Variants in RORA observed in about 807,000 individuals in gnomAD.
RORA encodes the protein nuclear receptor ROR-alpha.
RORA carries 7 observed loss-of-function variants against 69.5 expected under a neutral mutation model. The observed-to-expected ratio is 0.10, with a 90% CI of 0.06 to 0.19. RORA has a LOEUF of 0.19. Among genes scored for constraint, RORA ranks in the 10% least tolerant of loss-of-function variants. RORA has a pLI of 1.00. For synonymous variants in RORA, 261 were observed against 240.8 expected, an observed-to-expected ratio of 1.08 and a Z score of -0.78; for missense variants, 457 against 663.0, an observed-to-expected ratio of 0.69 and a Z score of 3.41.
intron 2 of RORA, among the ~76,000 whole-genome samples, chr15:60,613,946 G>GAAA (rs35116092): frequency 6.3e-5 from 9 of 143,296 alleles, no homozygotes; most frequent in African/African-American, 1.3e-4. Flanking sequence ...GAAATTATGT[G>GAAA]AAAAAAAAAA....
chr15:61,173,941 T>C (rs913116221), intron 1 of RORA, among the ~76,000 whole-genome samples: 2 of 152,218 alleles, frequency 1.3e-5, no homozygotes, highest in African/African-American at 2.4e-5. Flanking sequence ...GTATGCACAC[T>C]GGGTCTGAAT....
intron 1 of RORA, among the ~76,000 whole-genome samples, chr15:60,962,064 G>C (rs540759645): frequency 2.0e-5 from 3 of 152,194 alleles, no homozygotes; most frequent in Non-Finnish European, 4.4e-5. Flanking sequence ...CTGTGACCAC[G>C]AGGCGAGAGA....
chr15:61,098,038 T>TTTCC (rs149088546), intron 1 of RORA, among the ~76,000 whole-genome samples: 8 of 151,660 alleles, frequency 5.3e-5, no homozygotes, highest in African/African-American at 9.7e-5. Flanking sequence ...TCCTTCCATC[T>TTTCC]TTCCTTCCTT....
chr15:60,576,934 A>G (rs1228201462), intron 2 of RORA, among the ~76,000 whole-genome samples: 2 of 152,260 alleles, frequency 1.3e-5, no homozygotes, highest in East Asian at 3.8e-4. Context: ...AAAGAAAAAC[A>G]GCCATCATTT....
chr15:60,921,515 C>T (rs987067294), intron 1 of RORA, among the ~76,000 whole-genome samples: 1 of 152,128 alleles, frequency 6.6e-6, no homozygotes, highest in African/African-American at 2.4e-5. Flanking sequence ...CAGTGGTTAC[C>T]TCTGAGGAAG....
intron 1 of RORA, among the ~76,000 whole-genome samples, chr15:61,119,451 T>TAC (rs1446973378): frequency 6.6e-6 from 1 of 150,758 alleles, no homozygotes; most frequent in Non-Finnish European, 1.5e-5. Context: ...AATATATATA[T>TAC]ACACACAAAT....
Position 60,593,021 on chromosome 15 carries a change from C to A in RORA, c.197-61170G>T, listed in dbSNP as rs898605877. ...ACGGTCACCCGCATTTCCTAGAGTG[C>A]CCCAGCTCTAATCGGAAGGTACGGC... On this transcript the variant is annotated intron_variant, in intron 2 of 10. Transcript: ENST00000335670. 14 of 446,398 alleles carry A rather than the reference C, an allele frequency of 3.1e-5. No homozygotes were observed. The Admixed American group carries it at 3.2e-4, about 10-fold the overall frequency. The allele number at this position is 446,398 out of a possible 1,614,324, so 27.7% of individuals were successfully genotyped here.
chr15:60,685,438 GA>G (rs1057280262), intron 1 of RORA, among the ~76,000 whole-genome samples: 1 of 152,138 alleles, frequency 6.6e-6, no homozygotes, highest in African/African-American at 2.4e-5. Context: ...GTTTTCTAAA[GA>G]AAAAATATCA....
intron 1 of RORA, among the ~76,000 whole-genome samples, chr15:60,815,624 AATC>A (rs1468119079): frequency 6.6e-6 from 1 of 151,900 alleles, no homozygotes; most frequent in African/African-American, 2.4e-5. Flanking sequence ...CAGGTGCTGA[AATC>A]ACAGATCTGA....
intron 1 of RORA, among the ~76,000 whole-genome samples, chr15:60,933,173 A>G (rs1421538295): frequency 1.3e-5 from 2 of 152,150 alleles, no homozygotes; most frequent in Admixed American, 1.3e-4. Flanking sequence ...TGCCATGATG[A>G]TCATACTAAT....
At chr15:61,039,941 C>T (rs1168177236) in intron 1 of RORA, among the ~76,000 whole-genome samples, 1 of 150,772 alleles carries the variant, frequency 6.6e-6, no homozygotes, top group African/African-American at 2.4e-5. Flanking sequence ...CTTTCTTTGC[C>T]AATCAGTGTT....
At chr15:60,743,159 T>C (rs1382220524) in intron 1 of RORA, among the ~76,000 whole-genome samples, 2 of 151,554 alleles carry the variant, frequency 1.3e-5, no homozygotes, top group Non-Finnish European at 2.9e-5. Context: ...GGACTACAGA[T>C]ATGTACCACC....
chr15:60,687,708 T>C (rs11638391), intron 1 of RORA, among the ~76,000 whole-genome samples: 20,862 of 152,220 alleles, frequency 0.14, 1,457 homozygotes, highest in East Asian at 0.18. Context: ...GAGCAGAGAT[T>C]GTGCCACTGA....
chr15:60,669,071 C>A (rs1182168620), intron 2 of RORA, among the ~76,000 whole-genome samples: 1 of 152,098 alleles, frequency 6.6e-6, no homozygotes, highest in Non-Finnish European at 1.5e-5. Context: ...GACAGAGGCT[C>A]CCAGGGTAGC....
chr15:61,131,941 T>C lies in RORA; in HGVS notation c.166+97112A>G, dbSNP rs1311717436. Among the ~76,000 whole-genome samples the C allele has an allele frequency of 4.6e-5, 7 of 152,260 alleles. No individual in the cohort carries two copies. The highest frequency in any genetic ancestry group is 5.9e-5 in the Non-Finnish European group (4 of 68,050). ...GAATTGGAACTGGGGGTAGATGCTGTAACCCTGATTACTAGTGGAGATGGA... is the reference window on the plus strand; with the variant it reads ...GAATTGGAACTGGGGGTAGATGCTGCAACCCTGATTACTAGTGGAGATGGA... On this transcript the variant is annotated intron_variant, in intron 1 of 10. Coordinates refer to ENST00000335670, the MANE Select transcript of RORA (RefSeq NM_134261.3). This position sits in a 1 kb window ranked among gnomAD's most constrained non-coding sequence, Gnocchi z 4.2.
intron 1 of RORA, among the ~76,000 whole-genome samples, chr15:60,901,996 C>G (rs1161692917): frequency 6.6e-6 from 1 of 152,162 alleles, no homozygotes; most frequent in African/African-American, 2.4e-5. Context: ...GTCCAGGGTG[C>G]CTCAGCTCAC....
At chr15:61,103,245 G>A (rs1437688116) in intron 1 of RORA, among the ~76,000 whole-genome samples, 1 of 152,182 alleles carries the variant, frequency 6.6e-6, no homozygotes, top group East Asian at 1.9e-4. Flanking sequence ...AGGATGGGCT[G>A]TGAGCATCAG....
At chr15:61,091,711 T>C (rs1311916180) in intron 1 of RORA, among the ~76,000 whole-genome samples, 4 of 152,230 alleles carry the variant, frequency 2.6e-5, no homozygotes, top group Admixed American at 2.0e-4. Context: ...TCAGGAAAGG[T>C]AGACTCGACA....
At chr15:60,832,724 T>C (rs2073058238) in intron 1 of RORA, among the ~76,000 whole-genome samples, 1 of 152,012 alleles carries the variant, frequency 6.6e-6, no homozygotes, top group South Asian at 2.1e-4. Context: ...AGAGGAAAAG[T>C]GTCATTCCCA....
Sources: gnomAD v4.1 joint callset for allele counts (sites outside exome capture counted in the v4.1 genomes callset) on GRCh38, gnomAD v4.1.1 for gene constraint, Gnocchi (gnomAD v3.1) non-coding constraint, MANE v1.5 for transcripts, NCBI Gene and HGNC (gene_info 2026-07-23, HGNC 2026-07-21) for gene names.